The following MAN1A1 variants were observed in gnomAD, a reference collection of about 807,000 sequenced individuals.
The protein encoded by MAN1A1 is mannosidase alpha class 1A member 1.
In MAN1A1, 29 loss-of-function variants were observed where a neutral mutation model predicts 70.8. That is an observed-to-expected ratio of 0.41 (90% CI 0.31 to 0.56). The LOEUF (loss-of-function observed/expected upper bound fraction) is 0.56. Ranked by LOEUF, MAN1A1 falls within the 20% of genes least tolerant of loss-of-function variation. The probability of loss-of-function intolerance (pLI) is 0.29; values close to 1 mark genes in which losing one functional copy is unlikely to be tolerated. For missense variants in MAN1A1, 747 were observed against 841.3 expected (o/e 0.89, Z 1.39); for synonymous variants, 349 against 330.1 (o/e 1.06, Z -0.62).
intron 5 of MAN1A1, among the ~76,000 whole-genome samples, chr6:119,256,320 AAAT>A (rs1775456767): frequency 6.6e-6 from 1 of 152,200 alleles, no homozygotes; most frequent in African/African-American, 2.4e-5. Context: ...TCTCATGAAA[AAAT>A]AAGAGGTAGT....
In MAN1A1 at chr6:119,188,573, C is replaced by T. The variant is rs144514190; in HGVS notation, c.1551G>A (p.Met517Ile). 11 of 1,612,548 alleles carry T rather than the reference C, an allele frequency of 6.8e-6. No individual in the cohort carries two copies. The highest frequency in any genetic ancestry group is 1.3e-5 in the African/African-American group (1 of 74,794). Reference protein sequence around the residue: ...TCHESYNRTFMKLGPEAFRFD... With the variant: ...TCHESYNRTFIKLGPEAFRFD... ...ATCTGAAAGCTTCTGGTCCCAGTTT[C>T]ATAACTAAAGGACATGGAATGAATG... is the stretch of plus-strand genomic sequence containing the variant. The change falls in exon 11 of 13, where the codon ATG (methionine) becomes ATA (isoleucine). Residue 517 changes from methionine (M) to isoleucine (I), a missense_variant. Met to Ile is a conservative substitution (Grantham distance 10). This residue lies in a region of MAN1A1 where 419 missense variants were observed against 548.2 expected (regional missense o/e 0.76). Transcript: ENST00000368468.
At chr6:119,290,942 T>C (rs1158602701) in intron 4 of MAN1A1, among the ~76,000 whole-genome samples, 179 bp from the exon 5 acceptor site, 2 of 152,066 alleles carry the variant, frequency 1.3e-5, no homozygotes, top group Non-Finnish European at 2.9e-5. Context: ...CTGTGCATTA[T>C]ACGTATCGAA....
intron 2 of MAN1A1, among the ~76,000 whole-genome samples, chr6:119,326,529 C>T (rs1773151587): frequency 6.6e-6 from 1 of 152,208 alleles, no homozygotes; most frequent in African/African-American, 2.4e-5. Context: ...AAAGTGCATC[C>T]ATGTACATTA....
intron 4 of MAN1A1, among the ~76,000 whole-genome samples, chr6:119,295,831 C>T (rs1204900487): frequency 1.3e-5 from 2 of 152,090 alleles, no homozygotes; most frequent in East Asian, 3.9e-4. Context: ...AATAACTGCC[C>T]ACTACATACC....
At chr6:119,268,355 C>T (rs780285627) in intron 5 of MAN1A1, among the ~76,000 whole-genome samples, 28 of 152,234 alleles carry the variant, frequency 1.8e-4, no homozygotes, top group African/African-American at 2.9e-4. Context: ...TACCCTGTAA[C>T]GCCCTGGTCA....
chr6:119,179,783 A>G lies in MAN1A1; in HGVS notation c.*36T>C. 3.2e-6 allele frequency: 5 copies of G among 1,585,398 alleles called. No individual in the cohort carries two copies. Among genetic ancestry groups the G allele is most frequent in the Non-Finnish European group, 3.5e-6 (4 of 1,156,046 alleles). Reference sequence around the variant, plus strand: ...AAAGGAATTATTAAGGTATACAGTGAAGGGAATGGAGCAGAATAAAATATA... The same window carrying G: ...AAAGGAATTATTAAGGTATACAGTGGAGGGAATGGAGCAGAATAAAATATA... On this transcript the variant is annotated 3_prime_UTR_variant, in exon 13 of 13. Transcript: ENST00000368468.
At chr6:119,221,745 G>A (rs945420492) in intron 6 of MAN1A1, among the ~76,000 whole-genome samples, 6 of 152,046 alleles carry the variant, frequency 3.9e-5, no homozygotes, top group East Asian at 1.9e-4. Flanking sequence ...GAGCCACTGC[G>A]CCCGGCCTCA....
intron 6 of MAN1A1, among the ~76,000 whole-genome samples, chr6:119,214,389 T>G (rs939708677): frequency 6.6e-6 from 1 of 152,230 alleles, no homozygotes; most frequent in Non-Finnish European, 1.5e-5. Flanking sequence ...AACTGGCTGA[T>G]AGTAAAACTA....
At position 119,320,982 on chromosome 6, in the gene MAN1A1, C is replaced by T. The variant is rs76154695; in HGVS notation, c.604-13990G>A. Among the ~76,000 whole-genome samples, 899 of 152,246 alleles carry T rather than the reference C, an allele frequency of 5.9e-3. 30 individuals carry two copies. In the East Asian group the frequency reaches 0.091, roughly 15 times the overall value. ...ATAATAGTACTTGCATTAAATACTA[C>T]GTTTCTAGTCAGCAAAACTGATAAT... is the stretch of plus-strand genomic sequence containing the variant. On this transcript the variant is annotated intron_variant, in intron 2 of 12. Transcript: ENST00000368468.
At chr6:119,311,435 G>A (rs945480911) in intron 2 of MAN1A1, among the ~76,000 whole-genome samples, 6 of 152,202 alleles carry the variant, frequency 3.9e-5, no homozygotes, top group Non-Finnish European at 8.8e-5. Flanking sequence ...GTCCTCTCCA[G>A]GTGTAAGGCA....
chr6:119,314,603 C>A (rs1476822361), intron 2 of MAN1A1, among the ~76,000 whole-genome samples: 3 of 152,106 alleles, frequency 2.0e-5, no homozygotes, highest in East Asian at 3.9e-4. Context: ...TGAACAGAGC[C>A]CTCACTTTTT....
intron 5 of MAN1A1, among the ~76,000 whole-genome samples, chr6:119,252,964 G>A (rs993132452): frequency 5.3e-5 from 8 of 151,966 alleles, no homozygotes; most frequent in Admixed American, 1.3e-4. Context: ...TCATTCTATG[G>A]TCATTTTGCA....
intron 2 of MAN1A1, among the ~76,000 whole-genome samples, chr6:119,319,683 A>T (rs892908271): frequency 2.6e-5 from 4 of 152,184 alleles, no homozygotes; most frequent in Non-Finnish European, 4.4e-5. Flanking sequence ...TATATATTAG[A>T]CCTACTGCAG....
intron 4 of MAN1A1, among the ~76,000 whole-genome samples, chr6:119,298,862 C>T (rs1323338959): frequency 1.3e-5 from 2 of 152,036 alleles, no homozygotes; most frequent in African/African-American, 4.8e-5. Context: ...TCCCAAAATG[C>T]TGGGATTACA....
intron 5 of MAN1A1, among the ~76,000 whole-genome samples, chr6:119,272,862 A>G (rs1435506267): frequency 2.0e-5 from 3 of 152,188 alleles, no homozygotes; most frequent in Admixed American, 6.5e-5. Context: ...TTTATGACCA[A>G]TCTTTATTTA....
intron 9 of MAN1A1, among the ~76,000 whole-genome samples, chr6:119,191,874 A>C (rs1416793080): frequency 6.6e-6 from 1 of 152,224 alleles, no homozygotes. Flanking sequence ...TGGTTACAAT[A>C]ATCTTCTAAA....
At chr6:119,210,667 T>C (rs1272207606) in intron 6 of MAN1A1, among the ~76,000 whole-genome samples, 1 of 53,972 alleles carries the variant, frequency 1.9e-5, no homozygotes, top group Non-Finnish European at 4.6e-5. Context: ...CAGTGGTGTC[T>C]AGTTTCTTTT....
intron 6 of MAN1A1, among the ~76,000 whole-genome samples, chr6:119,207,606 G>C (rs545607388): frequency 6.6e-6 from 1 of 152,310 alleles, no homozygotes; most frequent in East Asian, 1.9e-4. Context: ...AAGCATGTAA[G>C]CTTTGGTCAC....
intron 2 of MAN1A1, among the ~76,000 whole-genome samples, chr6:119,313,264 C>A (rs1029356690): frequency 1.3e-5 from 2 of 152,112 alleles, no homozygotes; most frequent in African/African-American, 2.4e-5. Context: ...CCCTCTCATG[C>A]AACAGGTATC....
Sources: allele counts gnomAD v4.1 joint callset (sites outside exome capture counted in the v4.1 genomes callset), GRCh38; gene constraint gnomAD v4.1.1; regional missense constraint gnomAD v4.1.1; transcripts MANE v1.5; gene names NCBI Gene and HGNC (gene_info 2026-07-23, HGNC 2026-07-21).